VPS13C: variants seen among roughly 807,000 people sequenced by gnomAD.
VPS13C encodes intermembrane lipid transfer protein VPS13C.
VPS13C carries 358 observed loss-of-function variants against 456.8 expected under a neutral mutation model. The observed-to-expected ratio is 0.78, with a 90% confidence interval of 0.72 to 0.86. The LOEUF (loss-of-function observed/expected upper bound fraction) is 0.86. VPS13C is among the 40% of genes least tolerant of loss of function. The pLI is 0.00. For missense variants in VPS13C, 4,818 were observed against 4,385.4 expected, an observed-to-expected ratio of 1.10 and a Z score of -2.79; for synonymous variants, 1,578 against 1,486.7, an observed-to-expected ratio of 1.06 and a Z score of -1.41.
intron 15 of VPS13C, among the ~76,000 whole-genome samples, chr15:62,003,992 G>A (rs1596462660): frequency 6.6e-6 from 1 of 152,002 alleles, no homozygotes; most frequent in South Asian, 2.1e-4. Context: ...TTTTTTGGTT[G>A]TGTCTCTGCC....
intron 80 of VPS13C, 74 bp downstream of exon 80, chr15:61,869,426 C>G (rs1894849134): frequency 3.9e-6 from 6 of 1,522,074 alleles, no homozygotes; most frequent in Non-Finnish European, 5.4e-6. Context: ...GGCAAATAAT[C>G]TAATCTATTT....
rs78525911 is a variant in VPS13C at position 61,978,645 on chromosome 15, T to C, written c.2271A>G (p.Gln757=). The change falls in exon 23 of 85, where the codon CAA becomes CAG. Residue 757 remains glutamine, a synonymous_variant. Transcript: ENST00000644861. ...DKFDVEIKNV[Q]LLFARAEETW... is the part of the protein sequence containing the mutation. ...GTTTACCTGCTCTTGCAAAAAGTAG[T>C]TGTACATTTTTTATTTCAACATCAA... The C allele has an allele frequency of 3.7e-6, 6 of 1,611,306 alleles. No individual in the cohort carries two copies. Among genetic ancestry groups the C allele is most frequent in the Non-Finnish European group, 5.1e-6 (6 of 1,179,164 alleles).
intron 8 of VPS13C, among the ~76,000 whole-genome samples, chr15:62,022,721 C>A (rs1418577899): frequency 6.6e-6 from 1 of 151,818 alleles, no homozygotes; most frequent in African/African-American, 2.4e-5. Context: ...AAAAAGAATG[C>A]AAACTCATTT....
chr15:62,056,665 G>A (rs558444462), intron 1 of VPS13C, among the ~76,000 whole-genome samples: 11 of 152,206 alleles, frequency 7.2e-5, no homozygotes, highest in East Asian at 3.9e-4. Flanking sequence ...GCAGTTATCC[G>A]GAGGCCTAAC....
intron 3 of VPS13C, among the ~76,000 whole-genome samples, chr15:62,038,921 A>T (rs1399055593): frequency 1.3e-5 from 2 of 152,208 alleles, no homozygotes; most frequent in Non-Finnish European, 2.9e-5. Context: ...CACCAGCTAG[A>T]ATGGCTATTA....
intron 79 of VPS13C, among the ~76,000 whole-genome samples, chr15:61,871,464 T>C (rs1895027216): frequency 6.6e-6 from 1 of 152,202 alleles, no homozygotes; most frequent in Admixed American, 6.6e-5. Flanking sequence ...CACTGTTCTA[T>C]ATGTCTATCC....
intron 53 of VPS13C, 40 bp from the exon 54 acceptor site, chr15:61,922,802 T>C: frequency 6.7e-7 from 1 of 1,495,598 alleles, no homozygotes; most frequent in Non-Finnish European, 8.9e-7. Context: ...TAATAAATTC[T>C]TTCCCAGATG....
chr15:61,912,997 G>A (rs1017073758), intron 62 of VPS13C, among the ~76,000 whole-genome samples: 2 of 150,958 alleles, frequency 1.3e-5, no homozygotes, highest in African/African-American at 2.4e-5. Flanking sequence ...TCTCACACCA[G>A]TTAGAATGGC....
At chr15:61,898,087 G>C (rs1596307054) in intron 66 of VPS13C, among the ~76,000 whole-genome samples, 1 of 151,382 alleles carries the variant, frequency 6.6e-6, no homozygotes, top group African/African-American at 2.4e-5. Context: ...TGCCCTATAA[G>C]AGCTCCTGAA....
chr15:61,864,387 C>T (rs905705302), intron 81 of VPS13C: 22 of 903,378 alleles, frequency 2.4e-5, no homozygotes, highest in Middle Eastern at 5.6e-4. Context: ...ATATTAAAAA[C>T]GAGTTTTTTT....
At chr15:61,956,986 C>T (rs1397191332) in intron 37 of VPS13C, among the ~76,000 whole-genome samples, 1 of 152,068 alleles carries the variant, frequency 6.6e-6, no homozygotes, top group African/African-American at 2.4e-5. Context: ...TATATAACTA[C>T]GTCAAAGACA....
intron 35 of VPS13C, among the ~76,000 whole-genome samples, chr15:61,961,059 C>T (rs962041276): frequency 6.6e-5 from 10 of 150,634 alleles, no homozygotes; most frequent in Admixed American, 5.3e-4. Context: ...CCAGCCTGGG[C>T]GACAGAGCAA....
chr15:62,012,051 G>A, intron 12 of VPS13C, 56 bp downstream of exon 12: 1 of 1,049,980 alleles, frequency 9.5e-7, no homozygotes, highest in Non-Finnish European at 1.4e-6. Context: ...TTAAAATAAT[G>A]TATTTAATTC....
intron 47 of VPS13C, among the ~76,000 whole-genome samples, chr15:61,937,277 C>T (rs569114793): frequency 4.0e-4 from 61 of 152,122 alleles, no homozygotes; most frequent in African/African-American, 1.4e-3. Flanking sequence ...CCATTTAGAA[C>T]AATAACAAAT....
chr15:61,869,400 A>C, intron 80 of VPS13C, 100 bp downstream of exon 80: 1 of 1,320,002 alleles, frequency 7.6e-7, no homozygotes. Flanking sequence ...ATTAGACTTT[A>C]AGATCCTTAG....
At chr15:62,026,442 A>T (rs2047642569) in intron 6 of VPS13C, among the ~76,000 whole-genome samples, 1 of 152,088 alleles carries the variant, frequency 6.6e-6, no homozygotes, top group Non-Finnish European at 1.5e-5. Context: ...ACTACTGGGA[A>T]GCTGTCGATC....
chr15:61,994,280 A>T (rs551577065), intron 16 of VPS13C, among the ~76,000 whole-genome samples: 172 of 152,340 alleles, frequency 1.1e-3, no homozygotes, highest in Non-Finnish European at 1.9e-3. Flanking sequence ...AAGCAACTGT[A>T]GCTGGTACTA....
At position 61,945,708 on chromosome 15, in the gene VPS13C, A is replaced by G; in HGVS notation, c.5148+7T>C. On this transcript the variant is annotated splice_region_variant and intron_variant, in intron 45 of 84. Coordinates refer to ENST00000644861, the MANE Select transcript of VPS13C (RefSeq NM_020821.3). Reference sequence around the variant, plus strand: ...AGTGAGGAATAAATATATTTTTAAAAACTTACCAAAAGAGACATGAAGAAT... The same window carrying G: ...AGTGAGGAATAAATATATTTTTAAAGACTTACCAAAAGAGACATGAAGAAT... 6.4e-7 allele frequency: 1 copy of G among 1,574,304 alleles called. No homozygotes were observed. Among genetic ancestry groups the G allele is most frequent in the Non-Finnish European group, 8.6e-7 (1 of 1,165,934 alleles).
intron 5 of VPS13C, among the ~76,000 whole-genome samples, chr15:62,029,786 A>C (rs1158710331): frequency 6.6e-6 from 1 of 152,114 alleles, no homozygotes; most frequent in Non-Finnish European, 1.5e-5. Flanking sequence ...CTGCCTACAA[A>C]ATTCTAATTT....
Sources: allele counts gnomAD v4.1 joint callset (sites outside exome capture counted in the v4.1 genomes callset), GRCh38; gene constraint gnomAD v4.1.1; transcripts MANE v1.5; gene names NCBI Gene and HGNC (gene_info 2026-07-23, HGNC 2026-07-21).